ANKRD30BL: variants seen among roughly 807,000 people sequenced by gnomAD.
ANKRD30BL encodes the protein ankyrin repeat domain 30B like.
Under a neutral mutation model 18.4 loss-of-function variants are expected in ANKRD30BL, and 20 were observed. The observed-to-expected ratio is 1.09, with a 90% CI of 0.77 to 1.58. The LOEUF is 1.58. Among genes scored for constraint, ANKRD30BL ranks in the 40% most tolerant of loss-of-function variants. ANKRD30BL has a pLI of 0.00. For missense variants in ANKRD30BL, 224 were observed against 268.6 expected, an observed-to-expected ratio of 0.83 and a Z score of 1.16; for synonymous variants, 72 against 100.9, an observed-to-expected ratio of 0.71 and a Z score of 1.72.
At chr2:132,185,332 T>C in intron 1 of ANKRD30BL, among the ~76,000 whole-genome samples, 1 of 152,206 alleles carries the variant, frequency 6.6e-6, no homozygotes, top group East Asian at 1.9e-4. Flanking sequence ...AGGCAGTCCC[T>C]ACCTGACCAT....
At chr2:132,197,942 A>G (rs1678998354) in intron 1 of ANKRD30BL, among the ~76,000 whole-genome samples, 1 of 151,930 alleles carries the variant, frequency 6.6e-6, no homozygotes, top group African/African-American at 2.4e-5. Flanking sequence ...AAATAAAGCT[A>G]TTTAATGAAA....
chr2:132,164,181 G>T (rs28718340), upstream of ANKRD30BL, among the ~76,000 whole-genome samples: 16 of 151,836 alleles, frequency 1.1e-4, 1 homozygote, highest in East Asian at 3.1e-3. Flanking sequence ...TCCTGTAGGA[G>T]ACAGCTATAC....
intron 1 of ANKRD30BL, among the ~76,000 whole-genome samples, chr2:132,213,388 T>C (rs1679406706): frequency 6.6e-6 from 1 of 152,020 alleles, no homozygotes; most frequent in Non-Finnish European, 1.5e-5. Context: ...ACCTTTCTTT[T>C]GACTGAGCAA....
At chr2:132,240,634 T>G (rs1680290570) in intron 1 of ANKRD30BL, among the ~76,000 whole-genome samples, 1 of 151,704 alleles carries the variant, frequency 6.6e-6, no homozygotes, top group Non-Finnish European at 1.5e-5. Context: ...GGGATACCTT[T>G]GAGAATTTCA....
At position 132,157,234 on chromosome 2, in the gene ANKRD30BL, A is replaced by G. The variant is rs1173084385; in HGVS notation, c.333+75T>C. 7.8e-6 allele frequency: 8 copies of G among 1,032,140 alleles called. No individual in the cohort carries two copies. In the African/African-American group the frequency reaches 9.7e-5, roughly 13 times the overall value. 63.9% of individuals were successfully genotyped at this position (1,032,140 alleles called of 1,614,324 possible). Reference sequence around the variant, plus strand: ...GGTTTCACAAACCAGTTATATTTCAATGAGATAGATTCATTTTTATTCTAT... The same window carrying G: ...GGTTTCACAAACCAGTTATATTTCAGTGAGATAGATTCATTTTTATTCTAT... On this transcript the variant is annotated intron_variant, in intron 2 of 5. Transcript: ENST00000409867.
chr2:132,183,631 T>A (rs1688512144), intron 1 of ANKRD30BL, among the ~76,000 whole-genome samples: 1 of 151,908 alleles, frequency 6.6e-6, no homozygotes, highest in African/African-American at 2.4e-5. Flanking sequence ...TTCCTTCTGA[T>A]GGGAATAAAT....
At chr2:132,157,686 T>TCTA (rs1215645172) in intron 1 of ANKRD30BL, among the ~76,000 whole-genome samples, 3 of 152,174 alleles carry the variant, frequency 2.0e-5, no homozygotes, top group Non-Finnish European at 2.9e-5. Context: ...TCTTTCACCT[T>TCTA]CTACTATCAC....
At chr2:132,152,117 C>T (rs1687772350) in intron 4 of ANKRD30BL, 1 of 152,164 alleles carries the variant, frequency 6.6e-6, no homozygotes, top group African/African-American at 2.4e-5. Flanking sequence ...CATAGATGAC[C>T]TTACGTAAAT....
chr2:132,229,399 G>A (rs80341460), intron 1 of ANKRD30BL, among the ~76,000 whole-genome samples: 1 of 152,236 alleles, frequency 6.6e-6, no homozygotes, highest in East Asian at 1.9e-4. Context: ...TGTAGAATCT[G>A]CAAGTGGACA....
In ANKRD30BL at chr2:132,147,617, T is replaced by C. The variant is rs1157315694; in HGVS notation, c.*514A>G. ...TTTTACAGCAAGGCAAATTTACTTC[T>C]ATGGAAGAGTGGTCTTGCAGATGGA... On this transcript the variant is annotated 3_prime_UTR_variant, in exon 6 of 6. Coordinates refer to ENST00000409867, the MANE Select transcript of ANKRD30BL (RefSeq NM_001358416.1). The C allele has an allele frequency of 6.5e-6, 1 of 152,966 alleles. No homozygotes were observed. The highest frequency in any genetic ancestry group is 2.4e-5 in the African/African-American group (1 of 41,408). The allele number at this position is 152,966 out of a possible 1,614,324, so 9.5% of individuals were successfully genotyped here. A position where few individuals can be genotyped will look rare whatever the true frequency, so the allele number is the denominator to read the frequency against.
At chr2:132,255,229 C>G (rs1680796793) in intron 1 of ANKRD30BL, among the ~76,000 whole-genome samples, 3 of 151,484 alleles carry the variant, frequency 2.0e-5, no homozygotes, top group Non-Finnish European at 4.4e-5. Context: ...CTGGTCTAAA[C>G]TGCCAGTCCA....
chr2:132,216,427 A>G (rs533211712), intron 1 of ANKRD30BL, among the ~76,000 whole-genome samples: 3,526 of 151,992 alleles, frequency 0.023, 133 homozygotes, highest in African/African-American at 0.081. Context: ...ACAGAGTTGA[A>G]TCTTACTTTT....
intron 1 of ANKRD30BL, among the ~76,000 whole-genome samples, chr2:132,186,527 G>T (rs1173858034): frequency 1.3e-5 from 2 of 152,182 alleles, no homozygotes; most frequent in African/African-American, 2.4e-5. Context: ...CATAAGGAAA[G>T]CTTAATGTTA....
At chr2:132,148,763 T>C (rs573374843) in intron 5 of ANKRD30BL, among the ~76,000 whole-genome samples, 27 of 152,310 alleles carry the variant, frequency 1.8e-4, no homozygotes, top group South Asian at 6.2e-4. Flanking sequence ...GTGATAATTA[T>C]AAGCTCCCAA....
chr2:132,162,051 G>C (rs539981573), upstream of ANKRD30BL: 1 of 210,552 alleles, frequency 4.7e-6, no homozygotes, highest in Non-Finnish European at 9.6e-6. Flanking sequence ...GGTGGCACCT[G>C]CTACTGAGGC....
intron 1 of ANKRD30BL, among the ~76,000 whole-genome samples, chr2:132,168,196 C>T (rs1688221120): frequency 1.3e-5 from 2 of 151,970 alleles, no homozygotes; most frequent in South Asian, 2.1e-4. Flanking sequence ...TTGCTTTATC[C>T]CCCTAAAATC....
At chr2:132,221,873 A>T (rs866613217) in intron 1 of ANKRD30BL, among the ~76,000 whole-genome samples, 2 of 55,754 alleles carry the variant, frequency 3.6e-5, no homozygotes, top group East Asian at 1.1e-3. Context: ...GGGGAGGGGG[A>T]GTCAGCCCCC....
chr2:132,198,312 CTTTCTTTCTTT>C (rs1679013181), intron 1 of ANKRD30BL, among the ~76,000 whole-genome samples: 2 of 12,240 alleles, frequency 1.6e-4, no homozygotes, highest in South Asian at 2.8e-3. Flanking sequence ...TTCTTTCTTT[CTTTCTTTCTTT>C]CTTTTTTTTT....
chr2:132,153,298 G>A (rs1002571751), intron 4 of ANKRD30BL, among the ~76,000 whole-genome samples: 8 of 152,124 alleles, frequency 5.3e-5, no homozygotes, highest in African/African-American at 1.9e-4. Flanking sequence ...TGGACTTTTC[G>A]AGACCCAAAT....
Sources: allele counts gnomAD v4.1 joint callset (sites outside exome capture counted in the v4.1 genomes callset), GRCh38; gene constraint gnomAD v4.1.1; transcripts MANE v1.5; gene names NCBI Gene and HGNC (gene_info 2026-07-23, HGNC 2026-07-21).